Variants in LRRC3B observed in about 807,000 individuals in gnomAD.
LRRC3B encodes the protein leucine rich repeat containing 3B.
LRRC3B carries 2 observed loss-of-function variants against 12.8 expected under a neutral mutation model. That is an observed-to-expected ratio of 0.16 (90% CI 0.06 to 0.49). The LOEUF (loss-of-function observed/expected upper bound fraction) is 0.49. LRRC3B is among the 20% of genes least tolerant of loss of function. The pLI is 0.96. For synonymous variants in LRRC3B, 132 were observed against 122.0 expected, an observed-to-expected ratio of 1.08 and a Z score of -0.54; for missense variants, 189 against 319.4, an observed-to-expected ratio of 0.59 and a Z score of 3.11.
Position 26,684,574 on chromosome 3 carries a change from G to A in LRRC3B, c.-160-24939G>A, listed in dbSNP as rs542108814. Reference sequence around the variant, plus strand: ...TGAGAAGTCCAAGATCTAGGTGCTGGCATCTTGCAAGGGCCCTCTTGCTGC... The same window carrying A: ...TGAGAAGTCCAAGATCTAGGTGCTGACATCTTGCAAGGGCCCTCTTGCTGC... On this transcript the variant is annotated intron_variant, in intron 1 of 1. Coordinates refer to ENST00000396641, the Ensembl canonical transcript of LRRC3B. Among the ~76,000 whole-genome samples, 51 of 152,280 alleles carry A rather than the reference G, an allele frequency of 3.3e-4. No homozygotes were observed. The South Asian group carries it at 8.1e-3, about 24-fold the overall frequency.
At position 26,659,304 on chromosome 3, in the gene LRRC3B, T is replaced by A. The variant is rs189085745; in HGVS notation, c.-161+36067T>A. 2.8e-3 allele frequency among the ~76,000 whole-genome samples: 424 copies of A among 152,330 alleles called. 9 individuals carry two copies. The highest frequency in any genetic ancestry group is 0.026 in the Admixed American group (403 of 15,300). Reference sequence around the variant, plus strand: ...GCAGCATTCTTACCATGCTCACATATGAAACTCACACACTCAAATACTCAT... The same window carrying A: ...GCAGCATTCTTACCATGCTCACATAAGAAACTCACACACTCAAATACTCAT... On this transcript the variant is annotated intron_variant, in intron 1 of 1. Transcript: ENST00000396641.
chr3:26,661,590 A>G (rs530629040), intron 1 of LRRC3B, among the ~76,000 whole-genome samples: 1 of 152,316 alleles, frequency 6.6e-6, no homozygotes, highest in South Asian at 2.1e-4. Flanking sequence ...GCTACATAAC[A>G]TCACATCAAA....
chr3:26,709,064 G>A (rs1700681333), intron 1 of LRRC3B, among the ~76,000 whole-genome samples: 1 of 152,180 alleles, frequency 6.6e-6, no homozygotes, highest in South Asian at 2.1e-4. Context: ...CAAAAGCCAT[G>A]ACAGATATCC....
rs73148419 is a variant in LRRC3B at position 26,633,115 on chromosome 3, C to G, written c.-161+9878C>G. Reference sequence around the variant, plus strand: ...GCTCTTTCACATCTGCCTCCACTGCCATTCCCTATTGCTGACAGTTTATCT... The same window carrying G: ...GCTCTTTCACATCTGCCTCCACTGCGATTCCCTATTGCTGACAGTTTATCT... On this transcript the variant is annotated intron_variant, in intron 1 of 1. Coordinates refer to ENST00000396641, the Ensembl canonical transcript of LRRC3B. 2.5e-3 allele frequency among the ~76,000 whole-genome samples: 378 copies of G among 152,292 alleles called. 1 individual carries two copies. Among genetic ancestry groups the G allele is most frequent in the African/African-American group, 8.6e-3 (359 of 41,578 alleles).
chr3:26,666,487 C>A (rs960065041), intron 1 of LRRC3B, among the ~76,000 whole-genome samples: 2 of 152,018 alleles, frequency 1.3e-5, no homozygotes, highest in African/African-American at 4.8e-5. Context: ...AAGCTCAGGG[C>A]TTTGTACCTA....
At chr3:26,638,889 G>A (rs976045045) in intron 1 of LRRC3B, among the ~76,000 whole-genome samples, 11 of 152,180 alleles carry the variant, frequency 7.2e-5, no homozygotes, top group African/African-American at 2.7e-4. Context: ...CACCAGATTG[G>A]GACTTGAAAG....
chr3:26,640,008 C>A (rs1415324413), intron 1 of LRRC3B, among the ~76,000 whole-genome samples: 1 of 152,162 alleles, frequency 6.6e-6, no homozygotes, highest in Admixed American at 6.5e-5. Flanking sequence ...GATGGATAAA[C>A]AGCTAAAGCA....
exon 2 of LRRC3B, chr3:26,710,509 A>ATAAG: frequency 6.8e-7 from 1 of 1,479,248 alleles, no homozygotes; most frequent in Non-Finnish European, 9.1e-7. Context: ...TGCAGTAGAA[A>ATAAG]TAAGTGGTTT....
At chr3:26,643,009 C>G (rs2125409015) in intron 1 of LRRC3B, among the ~76,000 whole-genome samples, 1 of 127,938 alleles carries the variant, frequency 7.8e-6, no homozygotes, top group Admixed American at 7.5e-5. Flanking sequence ...GAGCGAGACT[C>G]CGTTTCAAAA....
intron 1 of LRRC3B, among the ~76,000 whole-genome samples, chr3:26,654,849 G>GA (rs1167980945): frequency 6.6e-6 from 1 of 152,260 alleles, no homozygotes; most frequent in African/African-American, 2.4e-5. Flanking sequence ...AAAGTGCCTG[G>GA]AAAAAAGCAG....
chr3:26,667,167 T>C (rs1275784585), intron 1 of LRRC3B, among the ~76,000 whole-genome samples: 1 of 148,692 alleles, frequency 6.7e-6, no homozygotes, highest in Non-Finnish European at 1.5e-5. Flanking sequence ...CCCAATCCCA[T>C]GGCCTTTCAG....
intron 1 of LRRC3B, among the ~76,000 whole-genome samples, chr3:26,657,129 A>G (rs910591648): frequency 4.6e-5 from 7 of 152,240 alleles, no homozygotes; most frequent in African/African-American, 1.7e-4. Context: ...TGTTTTTAAT[A>G]TAATCACAGC....
chr3:26,672,878 A>G (rs957557587), intron 1 of LRRC3B, among the ~76,000 whole-genome samples: 2 of 152,234 alleles, frequency 1.3e-5, no homozygotes, highest in Non-Finnish European at 2.9e-5. Context: ...TTTTTGAGCA[A>G]TAATATTTTT....
intron 1 of LRRC3B, among the ~76,000 whole-genome samples, chr3:26,656,120 T>C (rs1699366770): frequency 6.6e-6 from 1 of 152,166 alleles, no homozygotes; most frequent in African/African-American, 2.4e-5. Flanking sequence ...CAAGGATGGA[T>C]TTGATAGTCT....
intron 1 of LRRC3B, among the ~76,000 whole-genome samples, chr3:26,705,260 T>G (rs1700557533): frequency 2.0e-5 from 3 of 152,162 alleles, no homozygotes; most frequent in African/African-American, 7.2e-5. Context: ...GTAACCTGGA[T>G]GGCAAGAAAA....
intron 1 of LRRC3B, among the ~76,000 whole-genome samples, chr3:26,628,191 A>T (rs1223215910): frequency 2.6e-5 from 4 of 152,204 alleles, no homozygotes; most frequent in African/African-American, 9.7e-5. Flanking sequence ...ATTTAGAATA[A>T]CAATTATTAT....
At chr3:26,710,107 C>A in exon 2 of LRRC3B, 1 of 1,614,086 alleles carries the variant, frequency 6.2e-7, no homozygotes, top group Non-Finnish European at 8.5e-7. Flanking sequence ...TTGCCAACAA[C>A]CCCTGGCACT....
At chr3:26,671,412 A>AGAGAGG (rs1559361861) in intron 1 of LRRC3B, among the ~76,000 whole-genome samples, 1 of 137,388 alleles carries the variant, frequency 7.3e-6, no homozygotes, top group Non-Finnish European at 1.5e-5. Context: ...AGAGAGAGAG[A>AGAGAGG]GACGAAGTCT....
intron 1 of LRRC3B, among the ~76,000 whole-genome samples, chr3:26,635,603 G>A (rs886885576): frequency 6.6e-6 from 1 of 152,196 alleles, no homozygotes; most frequent in Admixed American, 6.5e-5. Flanking sequence ...AACCCTGCTG[G>A]TATCTTCTCC....
Sources: allele counts gnomAD v4.1 joint callset (sites outside exome capture counted in the v4.1 genomes callset), GRCh38; gene constraint gnomAD v4.1.1; transcripts MANE v1.5; gene names NCBI Gene and HGNC (gene_info 2026-07-23, HGNC 2026-07-21).